TENM3: variants seen among roughly 807,000 people sequenced by gnomAD.
The protein encoded by TENM3 is teneurin-3.
A neutral mutation model predicts 255.1 loss-of-function variants in TENM3; 63 were observed. The observed-to-expected ratio is 0.25, with a 90% CI of 0.20 to 0.30. The LOEUF (loss-of-function observed/expected upper bound fraction) is 0.30, where lower values mean the gene tolerates loss of function less well. TENM3 is among the 10% of genes least tolerant of loss of function. The pLI, the probability that TENM3 is intolerant of heterozygous loss-of-function variation, is 1.00. For synonymous variants in TENM3, 1,306 were observed against 1,322.3 expected, an observed-to-expected ratio of 0.99 and a Z score of 0.27; for missense variants, 2,929 against 3,461.1, an observed-to-expected ratio of 0.85 and a Z score of 3.86.
chr4:182,168,399 T>C (rs1327041242), intron 1 of TENM3, among the ~76,000 whole-genome samples: 1 of 152,106 alleles, frequency 6.6e-6, no homozygotes, highest in Non-Finnish European at 1.5e-5. Context: ...CCTCCAAAAG[T>C]GTTGGGATTA....
At chr4:181,923,531 T>G in the TENM3 span, among the ~76,000 whole-genome samples, 12 of 152,184 alleles carry the variant, frequency 7.9e-5, no homozygotes, top group Non-Finnish European at 1.3e-4. Context: ...GCTCTGCATT[T>G]TCTTTAAGAA....
chr4:181,792,032 A>G, the TENM3 span, among the ~76,000 whole-genome samples: 3 of 152,252 alleles, frequency 2.0e-5, no homozygotes, highest in East Asian at 1.9e-4. Flanking sequence ...AGTCTACATG[A>G]TAAGTGTTTC....
chr4:181,605,532 A>T, the TENM3 span, among the ~76,000 whole-genome samples: 3,491 of 29,618 alleles, frequency 0.12, 550 homozygotes, highest in Non-Finnish European at 0.2. Flanking sequence ...GAAAGAAAGA[A>T]AGAAAGAAAG....
At chr4:182,673,351 G>C in intron 7 of TENM3, 132 bp downstream of exon 7, 1 of 609,068 alleles carries the variant, frequency 1.6e-6, no homozygotes, top group South Asian at 2.3e-5. Context: ...AGTAGAAAGA[G>C]TTTTGAATGT....
intron 3 of TENM3, among the ~76,000 whole-genome samples, chr4:182,405,342 G>A (rs1027449621): frequency 5.3e-5 from 8 of 152,156 alleles, no homozygotes; most frequent in African/African-American, 1.4e-4. Context: ...AAGGGCTAAC[G>A]TGATCCTTAC....
At chr4:181,496,242 A>T in the TENM3 span, among the ~76,000 whole-genome samples, 1 of 152,130 alleles carries the variant, frequency 6.6e-6, no homozygotes, top group African/African-American at 2.4e-5. Flanking sequence ...GCAAATGTGG[A>T]TCTATTTTGC....
the TENM3 span, among the ~76,000 whole-genome samples, chr4:181,616,165 A>C: frequency 6.6e-6 from 1 of 151,440 alleles, no homozygotes; most frequent in Non-Finnish European, 1.5e-5. Context: ...TGTGATGTTA[A>C]TTTGTATTAA....
the TENM3 span, among the ~76,000 whole-genome samples, chr4:181,889,241 G>T: frequency 6.6e-6 from 1 of 152,062 alleles, no homozygotes; most frequent in African/African-American, 2.4e-5. Context: ...GTGGTGATGC[G>T]TGCGTTCACG....
At chr4:182,061,547 C>T in the TENM3 span, among the ~76,000 whole-genome samples, 1 of 152,038 alleles carries the variant, frequency 6.6e-6, no homozygotes, top group Non-Finnish European at 1.5e-5. Flanking sequence ...TCCTCCGAAA[C>T]TTTATAAAAT....
chr4:182,047,506 G>A, the TENM3 span, among the ~76,000 whole-genome samples: 1 of 139,498 alleles, frequency 7.2e-6, no homozygotes, highest in African/African-American at 2.7e-5. Flanking sequence ...AGATTGCAGT[G>A]AGCCGAGAGT....
At chr4:181,787,870 G>A in the TENM3 span, among the ~76,000 whole-genome samples, 2 of 152,054 alleles carry the variant, frequency 1.3e-5, no homozygotes, top group Non-Finnish European at 2.9e-5. Flanking sequence ...GCGTGGTAGT[G>A]GGCAACTGTA....
At chr4:182,286,030 A>G (rs1158458626) in intron 1 of TENM3, among the ~76,000 whole-genome samples, 1 of 152,298 alleles carries the variant, frequency 6.6e-6, no homozygotes, top group East Asian at 1.9e-4. Flanking sequence ...CTGATACAGG[A>G]GATCCATCGT....
At chr4:182,155,910 A>G (rs1355529884) in intron 1 of TENM3, among the ~76,000 whole-genome samples, 1 of 151,984 alleles carries the variant, frequency 6.6e-6, no homozygotes, top group South Asian at 2.1e-4. Context: ...TTTTCCTTCC[A>G]TCTTTCATCA....
At chr4:182,698,949 G>A (rs1757639364) in intron 12 of TENM3, among the ~76,000 whole-genome samples, 1 of 152,120 alleles carries the variant, frequency 6.6e-6, no homozygotes, top group African/African-American at 2.4e-5. Flanking sequence ...TTGCTTGGTG[G>A]GTGAATACAT....
intron 1 of TENM3, among the ~76,000 whole-genome samples, chr4:182,249,606 G>A (rs1320394181): frequency 1.3e-5 from 2 of 152,122 alleles, no homozygotes; most frequent in African/African-American, 4.8e-5. Flanking sequence ...TACAACGAAT[G>A]GGGTGGGAAA....
chr4:181,482,615 T>A, the TENM3 span, among the ~76,000 whole-genome samples: 1 of 152,178 alleles, frequency 6.6e-6, no homozygotes, highest in Non-Finnish European at 1.5e-5. Context: ...AGATGCTTTG[T>A]TGATGACTGT....
chr4:182,123,884 G>T, the TENM3 span, among the ~76,000 whole-genome samples: 1 of 152,164 alleles, frequency 6.6e-6, no homozygotes, highest in African/African-American at 2.4e-5. Flanking sequence ...TAGAGGAGAA[G>T]AGTGACAGCG....
chr4:182,350,527 A>G (rs2150698130), intron 3 of TENM3, among the ~76,000 whole-genome samples: 1 of 152,278 alleles, frequency 6.6e-6, no homozygotes, highest in African/African-American at 2.4e-5. Flanking sequence ...CAAGTTCTGG[A>G]GAGACGGTGA....
the TENM3 span, among the ~76,000 whole-genome samples, chr4:181,610,422 C>A: frequency 1.4e-4 from 21 of 152,234 alleles, no homozygotes; most frequent in African/African-American, 4.8e-4. Flanking sequence ...TTTTTGCATG[C>A]GTGACTGAAT....
Sources: gnomAD v4.1 joint callset for allele counts (sites outside exome capture counted in the v4.1 genomes callset) on GRCh38, gnomAD v4.1.1 for gene constraint, MANE v1.5 for transcripts, NCBI Gene and HGNC (gene_info 2026-07-23, HGNC 2026-07-21) for gene names.